Variants in AGO3 observed in about 807,000 individuals in gnomAD.
AGO3 encodes the protein protein argonaute-3.
AGO3 carries 16 observed loss-of-function variants against 105.5 expected under a neutral mutation model. That is an observed-to-expected ratio of 0.15 (90% CI 0.10 to 0.23). The LOEUF (loss-of-function observed/expected upper bound fraction) is 0.23, where lower values mean the gene tolerates loss of function less well. Among genes scored for constraint, AGO3 ranks in the 10% least tolerant of loss-of-function variants. AGO3 has a pLI of 1.00. For synonymous variants in AGO3, 340 were observed against 367.3 expected (o/e 0.93, Z 0.85); for missense variants, 534 against 1,088.0 (o/e 0.49, Z 7.16).
intron 16 of AGO3, among the ~76,000 whole-genome samples, chr1:36,041,003 G>A (rs918872234): frequency 1.3e-5 from 2 of 148,516 alleles, no homozygotes; most frequent in African/African-American, 2.5e-5. Context: ...AACCCAGGAG[G>A]CAGAGGTTGC....
At chr1:36,025,901 G>C (rs139122685) in intron 11 of AGO3, among the ~76,000 whole-genome samples, 3,762 of 152,052 alleles carry the variant, frequency 0.025, 77 homozygotes, top group Non-Finnish European at 0.038. Flanking sequence ...AGCCAGGCGC[G>C]GTGGCACATG....
intron 1 of AGO3, among the ~76,000 whole-genome samples, chr1:35,937,896 A>G (rs1646180047): frequency 6.6e-6 from 1 of 152,222 alleles, no homozygotes; most frequent in Non-Finnish European, 1.5e-5. Context: ...TGCAGACTTA[A>G]CATGTATAAA....
Position 36,061,667 on chromosome 1 carries a change from T to C in AGO3, c.*5922T>C, listed in dbSNP as rs1643028719. 3.3e-5 allele frequency: 5 copies of C among 152,190 alleles called. No individual in the cohort carries two copies. The highest frequency in any genetic ancestry group is 9.6e-5 in the African/African-American group (4 of 41,456). The allele number at this position is 152,190 out of a possible 1,614,324, so 9.4% of individuals were successfully genotyped here. ...TTTCTAAGGTAACCAGAATCTAATGTATCTATGTTAGGGTCTCAGTAAAGC... is the reference window on the plus strand; with the variant it reads ...TTTCTAAGGTAACCAGAATCTAATGCATCTATGTTAGGGTCTCAGTAAAGC... On this transcript the variant is annotated 3_prime_UTR_variant, in exon 19 of 19. Transcript: ENST00000373191.
Position 36,055,087 on chromosome 1 carries a change from T to C in AGO3, c.2416T>C (p.Tyr806His). Residue 806 changes from tyrosine (Y) to histidine (H), a missense_variant, in exon 18 of 19, where the codon TAT (tyrosine) becomes CAT (histidine). By Grantham distance (83) the Tyr-to-His change is moderately conservative (BLOSUM62 2). This residue lies in a region of AGO3 where 373 missense variants were observed against 854.0 expected (regional missense o/e 0.44). Coordinates refer to ENST00000373191, the MANE Select transcript of AGO3 (RefSeq NM_024852.4). The surrounding 1 kb of genome is among the most constrained non-coding windows in gnomAD (Gnocchi z 4.4). ...RSVSIPAPAYYAHLVAFRARY... is the reference protein window; with the variant it reads ...RSVSIPAPAYHAHLVAFRARY... Reference sequence around the variant, plus strand: ...TGTTTCTATACCTGCACCAGCGTATTATGCTCACCTGGTAGCATTTAGAGC... The same window carrying C: ...TGTTTCTATACCTGCACCAGCGTATCATGCTCACCTGGTAGCATTTAGAGC... The C allele has an allele frequency of 6.2e-7, 1 of 1,613,934 alleles. No homozygotes were observed. Among genetic ancestry groups the C allele is most frequent in the Non-Finnish European group, 8.5e-7 (1 of 1,179,908 alleles).
intron 5 of AGO3, among the ~76,000 whole-genome samples, chr1:35,979,273 A>G (rs572006026): frequency 6.6e-6 from 1 of 152,182 alleles, no homozygotes; most frequent in Non-Finnish European, 1.5e-5. Flanking sequence ...CTGAGGCAGG[A>G]GAATGGCGTG....
At position 36,054,972 on chromosome 1, in the gene AGO3, T is replaced by C. The variant is rs760976694; in HGVS notation, c.2301T>C (p.His767=). 9 of 1,614,200 alleles carry C rather than the reference T, an allele frequency of 5.6e-6. No individual in the cohort carries two copies. Among genetic ancestry groups the C allele is most frequent in the Non-Finnish European group, 7.6e-6 (9 of 1,180,018 alleles). The change falls in exon 18 of 19, where the codon CAT becomes CAC. Residue 767 remains histidine (H), a synonymous_variant. Transcript: ENST00000373191. Reference sequence around the variant, plus strand: ...GTACCAGTCGTCCTTCACACTATCATGTTTTATGGGATGATAACTGCTTTA... The same window carrying C: ...GTACCAGTCGTCCTTCACACTATCACGTTTTATGGGATGATAACTGCTTTA... ...IQGTSRPSHY[H]VLWDDNCFTA...
intron 17 of AGO3, among the ~76,000 whole-genome samples, chr1:36,048,976 G>T (rs2148859112): frequency 6.6e-6 from 1 of 152,274 alleles, no homozygotes; most frequent in Admixed American, 6.5e-5. Context: ...CAAAGTGCTG[G>T]GATTACTGGC....
In AGO3 at chr1:36,068,181, G is replaced by A. The variant is rs1465137805; in HGVS notation, c.*12436G>A. 6.6e-6 allele frequency: 1 copy of A among 152,160 alleles called. No individual in the cohort carries two copies. Among genetic ancestry groups the A allele is most frequent in the Non-Finnish European group, 1.5e-5 (1 of 68,034 alleles). 9.4% of individuals were successfully genotyped at this position (152,160 alleles called of 1,614,324 possible). A position where few individuals can be genotyped will look rare whatever the true frequency, so the allele number is the denominator to read the frequency against. On this transcript the variant is annotated 3_prime_UTR_variant, in exon 19 of 19. Transcript: ENST00000373191. ...AGGATAAAACAAAAATAGATAGAAT[G>A]ATGATTATTACAATGTAACTTTAAC...
intron 2 of AGO3, among the ~76,000 whole-genome samples, chr1:35,961,787 A>G (rs760319631): frequency 1.3e-4 from 20 of 152,210 alleles, no homozygotes; most frequent in Non-Finnish European, 2.8e-4. Flanking sequence ...GGATTATCTG[A>G]GTACTTAAAT....
At chr1:35,936,760 C>T (rs955968104) in intron 1 of AGO3, among the ~76,000 whole-genome samples, 13 of 152,000 alleles carry the variant, frequency 8.6e-5, no homozygotes, top group South Asian at 4.1e-4. Context: ...TTTGTAGAGA[C>T]GGGATCTTAC....
intron 9 of AGO3, among the ~76,000 whole-genome samples, chr1:36,013,067 G>A (rs1640701089): frequency 1.3e-5 from 2 of 151,880 alleles, no homozygotes; most frequent in Admixed American, 1.3e-4. Context: ...CTCCCAAATA[G>A]CTGGGACCAC....
At chr1:36,012,393 C>G (rs1557684415) in intron 9 of AGO3, among the ~76,000 whole-genome samples, 1 of 151,344 alleles carries the variant, frequency 6.6e-6, no homozygotes, top group Non-Finnish European at 1.5e-5. Flanking sequence ...TGGAGAGATT[C>G]TATATAGCAG....
chr1:35,955,578 G>T (rs1646549539), intron 2 of AGO3, among the ~76,000 whole-genome samples: 1 of 151,334 alleles, frequency 6.6e-6, no homozygotes, highest in Admixed American at 6.6e-5. Flanking sequence ...TGAACGAGAG[G>T]TACACTGTTA....
Position 36,013,956 on chromosome 1 carries a change from G to A in AGO3, c.1314G>A (p.Met438Ile). The change falls in exon 11 of 19, where the codon ATG (methionine) becomes ATA (isoleucine). Residue 438 changes from methionine to isoleucine, a missense_variant. Met to Ile is a conservative substitution (Grantham distance 10, BLOSUM62 1). Coordinates refer to ENST00000373191, the MANE Select transcript of AGO3 (RefSeq NM_024852.4). ...CACCGAGCCATGGAGTATGGGACAT[G>A]CGAGGGAAACAATTCCACACAGGAG... ...VATPSHGVWD[M>I]RGKQFHTGVE... 6.2e-7 allele frequency: 1 copy of A among 1,614,104 alleles called. No individual in the cohort carries two copies. Among genetic ancestry groups the A allele is most frequent in the African/African-American group, 1.3e-5 (1 of 75,006 alleles).
Position 36,055,937 on chromosome 1 carries a change from T to C in AGO3, c.*192T>C. The C allele has an allele frequency of 1.9e-6, 1 of 532,200 alleles. No individual in the cohort carries two copies. Among genetic ancestry groups the C allele is most frequent in the Admixed American group, 3.5e-5 (1 of 28,650 alleles). The allele number at this position is 532,200 out of a possible 1,614,324, so 33.0% of individuals were successfully genotyped here. A position where few individuals can be genotyped will look rare whatever the true frequency, so the allele number is the denominator to read the frequency against. On this transcript the variant is annotated 3_prime_UTR_variant, in exon 19 of 19. Transcript: ENST00000373191. The surrounding 1 kb of genome is among the most constrained non-coding windows in gnomAD (Gnocchi z 4.4). ...TTCATCAAGGAACACAGCATCATTA[T>C]GCAATATGAAACCAGCCAACTGCTT...
intron 16 of AGO3, among the ~76,000 whole-genome samples, chr1:36,041,539 C>A (rs1011660095): frequency 6.6e-6 from 1 of 152,080 alleles, no homozygotes; most frequent in African/African-American, 2.4e-5. Flanking sequence ...CTGCGCCCGG[C>A]CAGAAATATG....
chr1:36,010,449 CA>C (rs1418385987), intron 9 of AGO3, among the ~76,000 whole-genome samples: 1 of 151,606 alleles, frequency 6.6e-6, no homozygotes, highest in Non-Finnish European at 1.5e-5. Context: ...ACTAAAAACG[CA>C]AAAATCAGTG....
At chr1:35,935,916 A>G (rs888775157) in intron 1 of AGO3, among the ~76,000 whole-genome samples, 2 of 152,360 alleles carry the variant, frequency 1.3e-5, no homozygotes, top group Admixed American at 1.3e-4. Context: ...GGTAGGGGAA[A>G]AAAGACCAAA....
At chr1:36,042,009 AATAG>A (rs1464658230) in intron 16 of AGO3, among the ~76,000 whole-genome samples, 1 of 152,216 alleles carries the variant, frequency 6.6e-6, no homozygotes, top group Non-Finnish European at 1.5e-5. Context: ...AAGAAATAAT[AATAG>A]ATATTGTTCT....
Sources: allele counts gnomAD v4.1 joint callset (sites outside exome capture counted in the v4.1 genomes callset), GRCh38; gene constraint gnomAD v4.1.1; regional missense constraint gnomAD v4.1.1; non-coding constraint Gnocchi (gnomAD v3.1); transcripts MANE v1.5; gene names NCBI Gene and HGNC (gene_info 2026-07-23, HGNC 2026-07-21).